The following KIZ variants were observed in gnomAD, a reference collection of about 807,000 sequenced individuals.
KIZ encodes kizuna centrosomal protein.
In KIZ, 68 loss-of-function variants were observed where a neutral mutation model predicts 79.6. The observed-to-expected ratio is 0.85, with a 90% CI of 0.70 to 1.05. The LOEUF is 1.05. Ranked by LOEUF, KIZ falls within the 50% of genes least tolerant of loss-of-function variation. The probability of loss-of-function intolerance (pLI) is 0.00; values close to 1 mark genes in which losing one functional copy is unlikely to be tolerated. For missense variants in KIZ, 797 were observed against 800.4 expected, an observed-to-expected ratio of 1.00 and a Z score of 0.05; for synonymous variants, 280 against 281.8, an observed-to-expected ratio of 0.99 and a Z score of 0.06.
intron 7 of KIZ, among the ~76,000 whole-genome samples, chr20:21,212,091 A>G (rs1232746160): frequency 1.3e-5 from 2 of 152,104 alleles, no homozygotes. Context: ...TCTGTCTCAA[A>G]AAGAAGTTGT....
At chr20:21,151,743 C>A (rs1014661912) in intron 4 of KIZ, 1 of 152,142 alleles carries the variant, frequency 6.6e-6, no homozygotes. Flanking sequence ...CTAGAACTTT[C>A]TTGGAAAAGA....
intron 3 of KIZ, 116 bp from the exon 4 acceptor site, chr20:21,145,449 A>G: frequency 2.4e-6 from 1 of 411,172 alleles, no homozygotes; most frequent in South Asian, 1.3e-4. Flanking sequence ...TTTCTTGGCA[A>G]CATCAGCTTT....
chr20:21,127,817 G>T (rs2122251139), intron 1 of KIZ, among the ~76,000 whole-genome samples: 1 of 152,252 alleles, frequency 6.6e-6, no homozygotes, highest in Admixed American at 6.5e-5. Context: ...TCTGAACCTT[G>T]GTTCTTTACC....
chr20:21,202,598 T>C (rs146043043), intron 6 of KIZ, among the ~76,000 whole-genome samples: 1 of 152,294 alleles, frequency 6.6e-6, no homozygotes, highest in African/African-American at 2.4e-5. Context: ...ACAATTAAGA[T>C]TTATTGAGGA....
At chr20:21,136,335 T>C in intron 2 of KIZ, 55 bp from the exon 3 acceptor site, 1 of 1,027,972 alleles carries the variant, frequency 9.7e-7, no homozygotes, top group Non-Finnish European at 1.4e-6. Context: ...AAATTCCCTT[T>C]CTTAGATTCG....
intron 6 of KIZ, chr20:21,194,173 C>T (rs555105662): frequency 2.0e-5 from 3 of 152,204 alleles, no homozygotes; most frequent in East Asian, 1.9e-4. Flanking sequence ...CTTTAACTGT[C>T]GTTGGATAAG....
At chr20:21,204,695 C>G (rs995520130) in intron 6 of KIZ, among the ~76,000 whole-genome samples, 12 of 152,114 alleles carry the variant, frequency 7.9e-5, no homozygotes, top group African/African-American at 2.7e-4. Context: ...TTTCCTGCCC[C>G]AGACCTGAAT....
intron 6 of KIZ, among the ~76,000 whole-genome samples, chr20:21,176,562 A>G (rs534311278): frequency 2.3e-5 from 2 of 88,632 alleles, no homozygotes; most frequent in East Asian, 5.5e-4. Context: ...ACAAGGCACA[A>G]AAAAGGCAAA....
chr20:21,155,101 T>A (rs549409703), intron 4 of KIZ, among the ~76,000 whole-genome samples: 15 of 152,342 alleles, frequency 9.8e-5, no homozygotes, highest in African/African-American at 3.6e-4. Flanking sequence ...GAAAACAGTT[T>A]GGCAGTTCCT....
At chr20:21,205,625 G>T in intron 7 of KIZ, 41 bp downstream of exon 7, 1 of 832,132 alleles carries the variant, frequency 1.2e-6, no homozygotes, top group Non-Finnish European at 2.0e-6. Context: ...AATCACAAAT[G>T]TGGACCACAG....
chr20:21,204,182 C>G (rs943312256), intron 6 of KIZ, among the ~76,000 whole-genome samples: 1 of 125,106 alleles, frequency 8.0e-6, no homozygotes. Context: ...GTGGCGGGAT[C>G]TCGGCTCACT....
chr20:21,135,813 T>A (rs1246535495), intron 2 of KIZ, among the ~76,000 whole-genome samples: 1 of 152,170 alleles, frequency 6.6e-6, no homozygotes, highest in Non-Finnish European at 1.5e-5. Flanking sequence ...AGTCTGAAAG[T>A]TTTTTTCACA....
intron 1 of KIZ, among the ~76,000 whole-genome samples, chr20:21,130,823 G>A (rs1198086830): frequency 6.6e-6 from 1 of 152,092 alleles, no homozygotes; most frequent in Admixed American, 6.5e-5. Flanking sequence ...GTGACTTTTG[G>A]GATGATCTTT....
intron 3 of KIZ, among the ~76,000 whole-genome samples, chr20:21,144,766 ATCTCATAGGTGTGTT>A (rs1282307035): frequency 6.6e-6 from 1 of 152,180 alleles, no homozygotes; most frequent in East Asian, 1.9e-4. Flanking sequence ...TTCTCATTTC[ATCTCATAGGTGTGTT>A]TCTAATTACA....
At chr20:21,187,460 C>G (rs1467528221) in intron 6 of KIZ, among the ~76,000 whole-genome samples, 2 of 152,198 alleles carry the variant, frequency 1.3e-5, no homozygotes, top group African/African-American at 4.8e-5. Flanking sequence ...ACTCACTTAT[C>G]CTAGAGAAGT....
At chr20:21,232,590 A>G in intron 10 of KIZ, 144 bp from the exon 11 acceptor site, 1 of 572,580 alleles carries the variant, frequency 1.7e-6, no homozygotes. Flanking sequence ...CTGCCTCAGA[A>G]GCTCCCTTGC....
intron 7 of KIZ, among the ~76,000 whole-genome samples, chr20:21,211,887 G>A (rs1166805979): frequency 7.9e-5 from 12 of 152,128 alleles, no homozygotes; most frequent in African/African-American, 2.9e-4. Context: ...ACAGGAGTTC[G>A]AGACCAGCCT....
At chr20:21,217,885 A>G (rs1323089267) in intron 9 of KIZ, among the ~76,000 whole-genome samples, 1 of 152,196 alleles carries the variant, frequency 6.6e-6, no homozygotes, top group African/African-American at 2.4e-5. Context: ...AAAGAAGAAC[A>G]TAAGTAGAGA....
intron 11 of KIZ, among the ~76,000 whole-genome samples, chr20:21,243,501 C>T (rs1351137852): frequency 2.0e-5 from 3 of 152,154 alleles, no homozygotes; most frequent in Non-Finnish European, 4.4e-5. Flanking sequence ...AATGGTTTCT[C>T]TCCCAACATC....
Sources: gnomAD v4.1 joint callset for allele counts (sites outside exome capture counted in the v4.1 genomes callset) on GRCh38, gnomAD v4.1.1 for gene constraint, MANE v1.5 for transcripts, NCBI Gene and HGNC (gene_info 2026-07-23, HGNC 2026-07-21) for gene names.